UBE2E2: variants seen among roughly 807,000 people sequenced by gnomAD.
UBE2E2 encodes ubiquitin-conjugating enzyme E2 E2.
A neutral mutation model predicts 24.7 loss-of-function variants in UBE2E2; 6 were observed. That is an observed-to-expected ratio of 0.24 (90% CI 0.13 to 0.48). UBE2E2 has a LOEUF of 0.48. Among genes scored for constraint, UBE2E2 ranks in the 20% least tolerant of loss-of-function variants. The pLI is 0.99. For missense variants in UBE2E2, 169 were observed against 245.0 expected (o/e 0.69, Z 2.07); for synonymous variants, 104 against 83.6 (o/e 1.24, Z -1.33).
intron 3 of UBE2E2, among the ~76,000 whole-genome samples, chr3:23,392,152 A>C (rs895399573): frequency 2.0e-5 from 3 of 152,180 alleles, no homozygotes; most frequent in Non-Finnish European, 4.4e-5. Context: ...TCTGTTATGC[A>C]TTATGCTTAG....
intron 3 of UBE2E2, among the ~76,000 whole-genome samples, chr3:23,354,041 A>C (rs922850094): frequency 6.6e-6 from 1 of 152,350 alleles, no homozygotes; most frequent in South Asian, 2.1e-4. Context: ...AAACAGAGAT[A>C]TAGATCAGCG....
chr3:23,356,512 T>G (rs1411403452), intron 3 of UBE2E2, among the ~76,000 whole-genome samples: 4 of 152,174 alleles, frequency 2.6e-5, no homozygotes, highest in Non-Finnish European at 5.9e-5. Context: ...TTCATATGTT[T>G]CCTGAAAACT....
rs138430077 is a variant in UBE2E2, at chr3:23,232,779, A to G, written c.227+15467A>G. 7.7e-4 allele frequency among the ~76,000 whole-genome samples: 117 copies of G among 152,340 alleles called. 1 individual carries two copies. In the East Asian group the frequency reaches 0.016, roughly 21 times the overall value. ...TTCATTTATAATCGATTAAGAGACA[A>G]TTATTTAAAAACTTCGTCCAATCCT... On this transcript the variant is annotated intron_variant, in intron 3 of 5. Transcript: ENST00000396703.
At chr3:23,462,052 T>C (rs1018915675) in intron 3 of UBE2E2, among the ~76,000 whole-genome samples, 2 of 152,170 alleles carry the variant, frequency 1.3e-5, no homozygotes, top group Admixed American at 1.3e-4. Flanking sequence ...TCTGAATGAA[T>C]TGTAGCATAT....
chr3:23,548,662 TTC>T (rs1033274804), intron 5 of UBE2E2, among the ~76,000 whole-genome samples: 1 of 152,244 alleles, frequency 6.6e-6, no homozygotes, highest in Non-Finnish European at 1.5e-5. Context: ...GCTGTTTCTC[TTC>T]TCTTTTCTTA....
chr3:23,567,349 T>A (rs573712846), intron 5 of UBE2E2, among the ~76,000 whole-genome samples: 2 of 152,194 alleles, frequency 1.3e-5, no homozygotes, highest in African/African-American at 4.8e-5. Context: ...TGGTAGAACA[T>A]GTTGCCTAAG....
At chr3:23,566,412 T>G (rs1696073424) in intron 5 of UBE2E2, among the ~76,000 whole-genome samples, 1 of 152,170 alleles carries the variant, frequency 6.6e-6, no homozygotes, top group Non-Finnish European at 1.5e-5. Flanking sequence ...ACTTGGTTCA[T>G]CTCGTAGTGG....
chr3:23,205,030 G>A (rs1206428519), intron 1 of UBE2E2, among the ~76,000 whole-genome samples: 1 of 152,126 alleles, frequency 6.6e-6, no homozygotes, highest in Non-Finnish European at 1.5e-5. Context: ...TGGAACATGT[G>A]AGTTTCATTC....
chr3:23,293,943 T>C (rs1212427715), intron 3 of UBE2E2, among the ~76,000 whole-genome samples: 2 of 152,304 alleles, frequency 1.3e-5, no homozygotes, highest in Middle Eastern at 3.4e-3. Context: ...TAGCGAGCTC[T>C]TTGTCTCTTT....
rs563527571 is a variant in UBE2E2 at position 23,493,369 on chromosome 3, A to G, written c.228-6239A>G. Among the ~76,000 whole-genome samples, 16 of 152,358 alleles carry G rather than the reference A, an allele frequency of 1.1e-4. 1 individual carries two copies. The South Asian group carries it at 3.3e-3, about 32-fold the overall frequency. ...GGGCTCATCCACTGTAGGCTGCAGC[A>G]TGGGAAGCTGAACACAGTTTGATTC... On this transcript the variant is annotated intron_variant, in intron 3 of 5. Coordinates refer to ENST00000396703, the MANE Select transcript of UBE2E2 (RefSeq NM_152653.4).
intron 3 of UBE2E2, among the ~76,000 whole-genome samples, chr3:23,308,775 T>C (rs1575550662): frequency 6.6e-6 from 1 of 152,130 alleles, no homozygotes; most frequent in African/African-American, 2.4e-5. Flanking sequence ...CCATAGGCCA[T>C]CTGCAAGCTG....
At chr3:23,412,362 A>T (rs1559376225) in intron 3 of UBE2E2, among the ~76,000 whole-genome samples, 1 of 152,042 alleles carries the variant, frequency 6.6e-6, no homozygotes, top group East Asian at 1.9e-4. Context: ...GGTAAAGTTA[A>T]ATTTCGTAGT....
chr3:23,203,269 C>T (rs2125311681), upstream of UBE2E2: 1 of 988,064 alleles, frequency 1.0e-6, no homozygotes, highest in African/African-American at 1.7e-5. Context: ...GAGGGTGAGT[C>T]CGGGCGGGCG....
chr3:23,462,803 G>T (rs1698834302), intron 3 of UBE2E2, among the ~76,000 whole-genome samples: 1 of 152,036 alleles, frequency 6.6e-6, no homozygotes, highest in Admixed American at 6.6e-5. Context: ...TTTACGTCAG[G>T]GGGTAACTGT....
chr3:23,247,146 G>C (rs9841944), intron 3 of UBE2E2, among the ~76,000 whole-genome samples: 107,379 of 152,038 alleles, frequency 0.71, 39,569 homozygotes, highest in African/African-American at 0.92. Context: ...ATTCTTTTTT[G>C]ATTTTCTTCA....
intron 3 of UBE2E2, chr3:23,449,743 C>T (rs897803578): frequency 2.0e-6 from 1 of 489,604 alleles, no homozygotes; most frequent in African/African-American, 2.1e-5. Flanking sequence ...AAACTTATCT[C>T]ATATAATTCT....
At chr3:23,305,937 C>T (rs887610850) in intron 3 of UBE2E2, among the ~76,000 whole-genome samples, 1 of 152,096 alleles carries the variant, frequency 6.6e-6, no homozygotes, top group Non-Finnish European at 1.5e-5. Flanking sequence ...TTGGTATTCT[C>T]TAAGACTATT....
At chr3:23,555,062 C>A (rs1030118222) in intron 5 of UBE2E2, among the ~76,000 whole-genome samples, 1 of 151,902 alleles carries the variant, frequency 6.6e-6, no homozygotes, top group African/African-American at 2.4e-5. Context: ...ACTACAGGTG[C>A]CTGCCACCAC....
intron 3 of UBE2E2, among the ~76,000 whole-genome samples, chr3:23,276,278 C>T (rs892777270): frequency 6.6e-6 from 1 of 151,342 alleles, no homozygotes; most frequent in South Asian, 2.1e-4. Flanking sequence ...GGAAAAAATA[C>T]ACTTCATTTA....
Sources: gnomAD v4.1 joint callset for allele counts (sites outside exome capture counted in the v4.1 genomes callset) on GRCh38, gnomAD v4.1.1 for gene constraint, MANE v1.5 for transcripts, NCBI Gene and HGNC (gene_info 2026-07-23, HGNC 2026-07-21) for gene names.